ABI3BP: variants seen among roughly 807,000 people sequenced by gnomAD.
ABI3BP encodes the protein ABI family member 3 binding protein, also known as target of Nesh-SH3.
ABI3BP carries 216 observed loss-of-function variants against 268.6 expected under a neutral mutation model. That is an observed-to-expected ratio of 0.80 (90% CI 0.72 to 0.90). ABI3BP has a LOEUF of 0.90. Ranked by LOEUF, ABI3BP falls within the 40% of genes least tolerant of loss-of-function variation. ABI3BP has a pLI of 0.00. For synonymous variants in ABI3BP, 730 were observed against 730.0 expected, an observed-to-expected ratio of 1.00 and a Z score of 0.00; for missense variants, 2,090 against 2,182.4, an observed-to-expected ratio of 0.96 and a Z score of 0.84.
At chr3:100,936,536 G>A (rs1039021388) in intron 1 of ABI3BP, among the ~76,000 whole-genome samples, 4 of 152,048 alleles carry the variant, frequency 2.6e-5, no homozygotes, top group Non-Finnish European at 5.9e-5. Context: ...GTTTTGAAGA[G>A]TTTCAGAAGT....
At chr3:100,992,434 T>A (rs2093088121) in intron 1 of ABI3BP, among the ~76,000 whole-genome samples, 1 of 152,208 alleles carries the variant, frequency 6.6e-6, no homozygotes, top group Admixed American at 6.5e-5. Flanking sequence ...ACTTCTGATG[T>A]TTTCCATCAT....
intron 1 of ABI3BP, among the ~76,000 whole-genome samples, chr3:100,948,082 A>G (rs2073336955): frequency 6.6e-6 from 1 of 152,218 alleles, no homozygotes. Context: ...AAGATCCTAA[A>G]CAAAGACAGT....
intron 6 of ABI3BP, among the ~76,000 whole-genome samples, chr3:100,881,795 C>T (rs1340926135): frequency 6.6e-6 from 1 of 152,060 alleles, no homozygotes; most frequent in African/African-American, 2.4e-5. Flanking sequence ...TGCCCTTTCT[C>T]TGATTTTTCT....
chr3:100,967,274 G>T (rs967269536), intron 1 of ABI3BP, among the ~76,000 whole-genome samples: 1 of 152,044 alleles, frequency 6.6e-6, no homozygotes, highest in African/African-American at 2.4e-5. Flanking sequence ...GGCTGAGGCG[G>T]GTGGATCACT....
intron 5 of ABI3BP, 84 bp downstream of exon 5, chr3:100,886,058 T>C: frequency 9.5e-7 from 1 of 1,050,138 alleles, no homozygotes; most frequent in Non-Finnish European, 1.3e-6. Context: ...TTTCATATTA[T>C]ACAATGAATA....
intron 57 of ABI3BP, 114 bp downstream of exon 57, chr3:100,787,614 A>T: frequency 1.2e-6 from 1 of 868,496 alleles, no homozygotes. Flanking sequence ...AGTTACTAAG[A>T]ACTTTAAAAA....
At chr3:100,857,971 A>T (rs2098957851) in intron 14 of ABI3BP, among the ~76,000 whole-genome samples, 1 of 152,254 alleles carries the variant, frequency 6.6e-6, no homozygotes, top group South Asian at 2.1e-4. Context: ...TGAATGGAAG[A>T]CACTGAGAAC....
chr3:100,750,768 G>C (rs1330805530), intron 67 of ABI3BP, among the ~76,000 whole-genome samples, 158 bp from the exon 68 acceptor site: 1 of 152,164 alleles, frequency 6.6e-6, no homozygotes, highest in Non-Finnish European at 1.5e-5. Context: ...GTTTTTTCCT[G>C]AGGTGTAGTC....
At position 100,867,651 on chromosome 3, in the gene ABI3BP, A is replaced by AAAAAAG. The variant is rs1554022662; in HGVS notation, c.911-696_911-695insCTTTTT. 4.0e-5 allele frequency among the ~76,000 whole-genome samples: 6 copies of AAAAAAG among 150,850 alleles called. No individual in the cohort carries two copies. The South Asian group carries it at 6.2e-4, about 16-fold the overall frequency. ...GCGAGACCCCGTCTCAAAAAAAAAA[A>AAAAAAG]AAAAAAAAAAGAAAATTTCCGTTAT... On this transcript the variant is annotated intron_variant, in intron 9 of 67. Transcript: ENST00000471714.
rs1411451199 is a variant in ABI3BP, at chr3:100,750,234, C to A, written c.*261G>T. 1 of 326,312 alleles carries A rather than the reference C, an allele frequency of 3.1e-6. No homozygotes were observed. The highest frequency in any genetic ancestry group is 2.1e-5 in the African/African-American group (1 of 46,638). The allele number at this position is 326,312 out of a possible 1,614,324, so 20.2% of individuals were successfully genotyped here. A position where few individuals can be genotyped will look rare whatever the true frequency, so the allele number is the denominator to read the frequency against. The stretch of plus-strand genomic sequence containing the variant: ...GTGATAAATAATATACAAATGATCT[C>A]TTAAAATACCATGAATAGGGAGCCA... On this transcript the variant is annotated 3_prime_UTR_variant, in exon 68 of 68. Transcript: ENST00000471714.
chr3:100,882,323 A>G (rs1184182607), intron 6 of ABI3BP, among the ~76,000 whole-genome samples: 2 of 151,992 alleles, frequency 1.3e-5, no homozygotes, highest in Non-Finnish European at 2.9e-5. Context: ...GTATCAAACC[A>G]CTTCTCAGAA....
intron 57 of ABI3BP, among the ~76,000 whole-genome samples, chr3:100,782,132 G>A (rs556309208): frequency 6.6e-6 from 1 of 152,188 alleles, no homozygotes; most frequent in Non-Finnish European, 1.5e-5. Flanking sequence ...AGGGCTAAAT[G>A]GCCATAGCTG....
At chr3:100,789,229 A>C (rs1339289956) in intron 56 of ABI3BP, among the ~76,000 whole-genome samples, 1 of 152,086 alleles carries the variant, frequency 6.6e-6, no homozygotes, top group Non-Finnish European at 1.5e-5. Context: ...TAAATCAATA[A>C]AATTTCATAG....
chr3:100,793,754 A>G (rs2097263032), intron 54 of ABI3BP, among the ~76,000 whole-genome samples: 1 of 152,006 alleles, frequency 6.6e-6, no homozygotes, highest in Non-Finnish European at 1.5e-5. Context: ...TTAGAAAAGG[A>G]ATGAAGGGAG....
At chr3:100,859,413 TA>T (rs1356218002) in intron 14 of ABI3BP, among the ~76,000 whole-genome samples, 1 of 152,202 alleles carries the variant, frequency 6.6e-6, no homozygotes, top group Admixed American at 6.5e-5. Flanking sequence ...ATACTGCAAC[TA>T]AAAATGGGAT....
chr3:100,783,951 GCTGGGACACGTCT>G (rs2150403245), intron 57 of ABI3BP, among the ~76,000 whole-genome samples: 1 of 152,320 alleles, frequency 6.6e-6, no homozygotes, highest in South Asian at 2.1e-4. Flanking sequence ...CATCAGCTAA[GCTGGGACACGTCT>G]CTGGAAACCA....
intron 14 of ABI3BP, among the ~76,000 whole-genome samples, chr3:100,859,654 ATAC>A (rs1189039318): frequency 2.0e-5 from 3 of 152,232 alleles, no homozygotes; most frequent in South Asian, 2.1e-4. Flanking sequence ...TAAATCACAG[ATAC>A]TACATTTGTT....
Position 100,874,883 on chromosome 3 carries a change from A to T in ABI3BP, c.868T>A (p.Ser290Thr). Reference sequence around the variant, plus strand: ...GCATCTGAAATCTCAAACATTAGGGATGCAGGAAGTTTTACAGTAGTTTCA... The same window carrying T: ...GCATCTGAAATCTCAAACATTAGGGTTGCAGGAAGTTTTACAGTAGTTTCA... ...LNETTVKLPA[S>T]LMFEISDALK... is the part of the protein sequence containing the mutation. The change falls in exon 9 of 68, where the codon TCC (serine) becomes ACC (threonine). Residue 290 changes from serine to threonine, a missense_variant. Transcript: ENST00000471714. The T allele has an allele frequency of 6.2e-7, 1 of 1,601,674 alleles. No homozygotes were observed. The highest frequency in any genetic ancestry group is 1.1e-5 in the South Asian group (1 of 88,670).
chr3:100,948,251 T>C (rs2073412029), intron 1 of ABI3BP, among the ~76,000 whole-genome samples: 1 of 152,100 alleles, frequency 6.6e-6, no homozygotes, highest in Non-Finnish European at 1.5e-5. Flanking sequence ...TAATACAAAA[T>C]TCAAATCTTA....
Sources: allele counts gnomAD v4.1 joint callset (sites outside exome capture counted in the v4.1 genomes callset), GRCh38; gene constraint gnomAD v4.1.1; transcripts MANE v1.5; gene names NCBI Gene and HGNC (gene_info 2026-07-23, HGNC 2026-07-21).